The following MIGA1 variants were observed in gnomAD, a reference collection of about 807,000 sequenced individuals.
MIGA1 encodes the protein family with sequence similarity 73, member A.
Under a neutral mutation model 82.0 loss-of-function variants are expected in MIGA1, and 58 were observed. The ratio of observed to expected loss-of-function variants is 0.71; its 90% CI spans 0.57 to 0.88. MIGA1 has a LOEUF of 0.88. Among genes scored for constraint, MIGA1 ranks in the 40% least tolerant of loss-of-function variants. The probability of loss-of-function intolerance (pLI) is 0.00; values close to 1 mark genes in which losing one functional copy is unlikely to be tolerated. For synonymous variants in MIGA1, 249 were observed against 253.6 expected (o/e 0.98, Z 0.17); for missense variants, 751 against 749.1 (o/e 1.00, Z -0.03).
At position 77,819,080 on chromosome 1, in the gene MIGA1, CAAAAAAAAA is replaced by C. The variant is rs745979095; in HGVS notation, c.895+3858_895+3866del. 4.7e-5 allele frequency among the ~76,000 whole-genome samples: 3 copies of C among 63,334 alleles called. No individual in the cohort carries two copies. The Admixed American group carries it at 5.1e-4, about 11-fold the overall frequency. The allele number at this position is 63,334 out of a possible 152,430, so 41.5% of individuals were successfully genotyped here. A position where few individuals can be genotyped will look rare whatever the true frequency, so the allele number is the denominator to read the frequency against. ...GGGCGATAAGAGCAAAACTCTGTCCCAAAAAAAAAAAAAAAAAGAAAAAGAAAATCATCT... is the reference window on the plus strand; with the variant it reads ...GGGCGATAAGAGCAAAACTCTGTCCCAAAAAAAAGAAAAAGAAAATCATCT... On this transcript the variant is annotated intron_variant, in intron 7 of 15. Transcript: ENST00000370791.
At chr1:77,855,668 G>A (rs148768926) in intron 8 of MIGA1, among the ~76,000 whole-genome samples, 261 of 151,266 alleles carry the variant, frequency 1.7e-3, no homozygotes, top group African/African-American at 5.9e-3. Context: ...TTGTAAAAGG[G>A]GTTGAGTTCT....
At chr1:77,866,062 G>A (rs192586632) in intron 13 of MIGA1, among the ~76,000 whole-genome samples, 5 of 152,076 alleles carry the variant, frequency 3.3e-5, no homozygotes, top group South Asian at 4.2e-4. Flanking sequence ...ACAGGCATGC[G>A]CCACCATGCC....
chr1:77,793,744 C>T (rs138106681), intron 2 of MIGA1, among the ~76,000 whole-genome samples: 3,043 of 148,940 alleles, frequency 0.02, 64 homozygotes, highest in African/African-American at 0.046. Flanking sequence ...GGATTACAGG[C>T]GTGAACCACT....
chr1:77,782,952 C>A, intron 1 of MIGA1: 2 of 831,936 alleles, frequency 2.4e-6, no homozygotes, highest in Non-Finnish European at 2.9e-6. Flanking sequence ...GAATCTAGAA[C>A]TCGCAATTTC....
intron 7 of MIGA1, among the ~76,000 whole-genome samples, chr1:77,839,481 C>T (rs552828612): frequency 6.6e-6 from 1 of 151,918 alleles, no homozygotes; most frequent in Non-Finnish European, 1.5e-5. Flanking sequence ...AGCGATTCTC[C>T]CGCATCAGCC....
rs117746016 is a variant in MIGA1 at position 77,813,520 on chromosome 1, A to G, written c.638-214A>G. On this transcript the variant is annotated intron_variant, in intron 5 of 15. Transcript: ENST00000370791. ...TATATTTTTAAAGAAATGAAAACAT[A>G]TTGGCCATTTTGTCTCTGATTTTTG... 1.1e-4 allele frequency among the ~76,000 whole-genome samples: 17 copies of G among 152,352 alleles called. No homozygotes were observed. The East Asian group carries it at 3.3e-3, about 29-fold the overall frequency.
chr1:77,806,348 G>A (rs1027812993), intron 4 of MIGA1, among the ~76,000 whole-genome samples: 1 of 152,210 alleles, frequency 6.6e-6, no homozygotes, highest in Admixed American at 6.5e-5. Flanking sequence ...CGTTGACCCA[G>A]ATGTTGTTAT....
At chr1:77,864,540 G>A (rs537726376) in intron 13 of MIGA1, among the ~76,000 whole-genome samples, 19 of 152,098 alleles carry the variant, frequency 1.2e-4, no homozygotes, top group Non-Finnish European at 2.8e-4. Context: ...GCTGGGTATG[G>A]TGGTGGGCAC....
intron 5 of MIGA1, chr1:77,811,539 C>G: frequency 6.2e-7 from 1 of 1,603,132 alleles, no homozygotes; most frequent in Non-Finnish European, 8.5e-7. Context: ...CTTCTTGAGA[C>G]TGTGTGGACT....
At chr1:77,807,899 A>C (rs1009988391) in intron 5 of MIGA1, among the ~76,000 whole-genome samples, 1 of 151,814 alleles carries the variant, frequency 6.6e-6, no homozygotes, top group African/African-American at 2.4e-5. Context: ...GCTCACCGCA[A>C]CCTCCACCTC....
chr1:77,870,221 A>AC (rs544449676), intron 14 of MIGA1, among the ~76,000 whole-genome samples: 207 of 36,226 alleles, frequency 5.7e-3, no homozygotes, highest in South Asian at 0.011. Flanking sequence ...CGGGGGGCTG[A>AC]CCCCCCCCCC....
In MIGA1 at chr1:77,843,372, A is replaced by G. The variant is rs1684697649; in HGVS notation, c.961A>G (p.Ile321Val). 3.7e-6 allele frequency: 6 copies of G among 1,614,092 alleles called. No homozygotes were observed. The East Asian group carries it at 6.7e-5, about 18-fold the overall frequency. ...CTTTGGCCTGCGAGACACCTTGAGC[A>G]TCGCATCCACGGATTCCTTTGCTTC... is the stretch of plus-strand genomic sequence containing the variant. Residue 321 changes from isoleucine (I) to valine (V), a missense_variant, in exon 8 of 16, where the codon ATC (isoleucine) becomes GTC (valine). Coordinates refer to ENST00000370791, the MANE Select transcript of MIGA1 (RefSeq NM_198549.4).
intron 8 of MIGA1, among the ~76,000 whole-genome samples, chr1:77,857,306 T>C (rs2101928769): frequency 7.0e-6 from 1 of 142,648 alleles, no homozygotes; most frequent in East Asian, 2.1e-4. Flanking sequence ...CTGCTCTTTG[T>C]TGCCTGTGTA....
At chr1:77,857,678 T>G (rs909999935) in intron 8 of MIGA1, among the ~76,000 whole-genome samples, 1 of 151,482 alleles carries the variant, frequency 6.6e-6, no homozygotes, top group African/African-American at 2.4e-5. Context: ...ATCCTGTTTC[T>G]TCCAAACAAA....
intron 4 of MIGA1, among the ~76,000 whole-genome samples, chr1:77,803,966 G>A (rs894695075): frequency 1.3e-5 from 2 of 151,916 alleles, no homozygotes; most frequent in Admixed American, 6.6e-5. Context: ...AAAGGTGATG[G>A]ATACCCCATT....
At position 77,867,960 on chromosome 1, in the gene MIGA1, A is replaced by G. The variant is rs566216828; in HGVS notation, c.1563+1569A>G. Among the ~76,000 whole-genome samples the G allele has an allele frequency of 7.9e-5, 12 of 152,308 alleles. No individual in the cohort carries two copies. In the East Asian group the frequency reaches 2.1e-3, roughly 27 times the overall value. ...GATGAACTCTAACGTTAGGACTAGG[A>G]ACAGACTTGTATACATGGGTTTGAT... On this transcript the variant is annotated intron_variant, in intron 14 of 15. Coordinates refer to ENST00000370791, the MANE Select transcript of MIGA1 (RefSeq NM_198549.4).
intron 14 of MIGA1, 90 bp downstream of exon 14, chr1:77,866,481 G>A (rs1685673096): frequency 8.2e-7 from 1 of 1,218,932 alleles, no homozygotes; most frequent in Non-Finnish European, 1.2e-6. Context: ...GTGGGAATTG[G>A]CAGCTGTAGG....
At chr1:77,798,638 T>C (rs1333571796) in intron 2 of MIGA1, among the ~76,000 whole-genome samples, 1 of 152,142 alleles carries the variant, frequency 6.6e-6, no homozygotes, top group East Asian at 1.9e-4. Context: ...AGATGAGATT[T>C]GGGTGGGGAT....
chr1:77,810,534 G>A (rs1469214382), intron 5 of MIGA1, among the ~76,000 whole-genome samples: 2 of 149,320 alleles, frequency 1.3e-5, no homozygotes, highest in Non-Finnish European at 3.0e-5. Flanking sequence ...CTGAAGATGA[G>A]CACATCCTAC....
Sources: allele counts gnomAD v4.1 joint callset (sites outside exome capture counted in the v4.1 genomes callset), GRCh38; gene constraint gnomAD v4.1.1; transcripts MANE v1.5; gene names NCBI Gene and HGNC (gene_info 2026-07-23, HGNC 2026-07-21).